Variants in ROBO1 observed in about 807,000 individuals in gnomAD.
ROBO1 encodes the protein roundabout homolog 1.
Under a neutral mutation model 195.9 loss-of-function variants are expected in ROBO1, and 149 were observed. The ratio of observed to expected loss-of-function variants is 0.76; its 90% confidence interval spans 0.67 to 0.87. The LOEUF (loss-of-function observed/expected upper bound fraction) is 0.87. Among genes scored for constraint, ROBO1 ranks in the 40% least tolerant of loss-of-function variants. The probability of loss-of-function intolerance (pLI) is 0.00; values close to 1 mark genes in which losing one functional copy is unlikely to be tolerated. For missense variants in ROBO1, 1,933 were observed against 2,068.3 expected (o/e 0.93, Z 1.27); for synonymous variants, 816 against 733.2 (o/e 1.11, Z -1.82).
At chr3:78,699,395 C>CAAAAAAAAA (rs60574193) in intron 8 of ROBO1, among the ~76,000 whole-genome samples, 394 of 82,112 alleles carry the variant, frequency 4.8e-3, no homozygotes, top group East Asian at 8.4e-3. Flanking sequence ...ACTAAAAATA[C>CAAAAAAAAA]AAAAAAAAAA....
chr3:78,776,741 G>C (rs1394721606), intron 4 of ROBO1, among the ~76,000 whole-genome samples: 1 of 152,180 alleles, frequency 6.6e-6, no homozygotes, highest in African/African-American at 2.4e-5. Context: ...AGACACTATG[G>C]TCAGACTGCC....
chr3:79,232,845 A>G (rs536211610), intron 2 of ROBO1, among the ~76,000 whole-genome samples: 1 of 152,264 alleles, frequency 6.6e-6, no homozygotes. Flanking sequence ...ACTTGAAGGT[A>G]CAATACAGCA....
Position 78,676,338 on chromosome 3 carries a change from C to T in ROBO1, c.1343-6037G>A, listed in dbSNP as rs879808009. ...AAAGCTGGATGGAGAATGACTTTGA[C>T]GAGTTGAGAGAAGAAGGCTTCAGAC... On this transcript the variant is annotated intron_variant, in intron 10 of 30. Transcript: ENST00000464233. Among the ~76,000 whole-genome samples, 112 of 152,044 alleles carry T rather than the reference C, an allele frequency of 7.4e-4. 1 individual carries two copies. Among genetic ancestry groups the T allele is most frequent in the Admixed American group, 2.2e-3 (33 of 15,260 alleles).
chr3:79,242,719 G>GA (rs1304962501), intron 2 of ROBO1, among the ~76,000 whole-genome samples: 4 of 152,062 alleles, frequency 2.6e-5, no homozygotes, highest in Admixed American at 1.3e-4. Context: ...TAGCAGGGGA[G>GA]AAATATTTCC....
chr3:78,975,744 T>C (rs1009144651), intron 3 of ROBO1, among the ~76,000 whole-genome samples: 3 of 152,188 alleles, frequency 2.0e-5, no homozygotes, highest in Non-Finnish European at 2.9e-5. Flanking sequence ...AATATGTGAT[T>C]ACATAAGCAC....
At chr3:78,921,873 G>A (rs1419383145) in intron 4 of ROBO1, among the ~76,000 whole-genome samples, 1 of 150,938 alleles carries the variant, frequency 6.6e-6, no homozygotes, top group Non-Finnish European at 1.5e-5. Flanking sequence ...TGCAACCTCC[G>A]CCTCTCGGGT....
At chr3:79,740,145 T>G (rs553144995) in intron 1 of ROBO1, among the ~76,000 whole-genome samples, 3 of 149,246 alleles carry the variant, frequency 2.0e-5, no homozygotes, top group Non-Finnish European at 4.4e-5. Context: ...CTAAATCCAT[T>G]TAAGGCACTG....
chr3:79,347,405 C>A (rs1313906853), intron 2 of ROBO1, among the ~76,000 whole-genome samples: 1 of 152,134 alleles, frequency 6.6e-6, no homozygotes, highest in Non-Finnish European at 1.5e-5. Context: ...TTTCTGATGA[C>A]AGTCAAGGTC....
At chr3:79,396,493 T>C (rs1336014261) in intron 2 of ROBO1, among the ~76,000 whole-genome samples, 1 of 152,072 alleles carries the variant, frequency 6.6e-6, no homozygotes, top group Non-Finnish European at 1.5e-5. Flanking sequence ...TACCTTCGTC[T>C]CCATTTGTAA....
intron 2 of ROBO1, among the ~76,000 whole-genome samples, chr3:79,217,555 A>G (rs556054372): frequency 3.1e-4 from 47 of 152,038 alleles, no homozygotes; most frequent in African/African-American, 1.1e-3. Flanking sequence ...ATTTTCATCA[A>G]CTTCCTATAG....
chr3:79,569,671 GTGTATATATGTGTGTGTGTA>G (rs1337625560), intron 2 of ROBO1, among the ~76,000 whole-genome samples: 19 of 108,276 alleles, frequency 1.8e-4, no homozygotes, highest in Admixed American at 1.4e-3. Context: ...GTGTGTGTGT[GTGTATATATGTGTGTGTGTA>G]TATATATATG....
At chr3:79,552,554 G>A (rs1408799210) in intron 2 of ROBO1, among the ~76,000 whole-genome samples, 1 of 152,024 alleles carries the variant, frequency 6.6e-6, no homozygotes, top group African/African-American at 2.4e-5. Context: ...TTAATAGATA[G>A]AAAAAATATG....
intron 2 of ROBO1, among the ~76,000 whole-genome samples, chr3:79,335,222 C>T (rs1201259624): frequency 6.6e-6 from 1 of 152,166 alleles, no homozygotes; most frequent in Non-Finnish European, 1.5e-5. Flanking sequence ...ACATATACTA[C>T]ATATATTATT....
At chr3:79,554,409 C>A (rs927780418) in intron 2 of ROBO1, among the ~76,000 whole-genome samples, 8 of 151,956 alleles carry the variant, frequency 5.3e-5, no homozygotes, top group African/African-American at 1.9e-4. Flanking sequence ...AATATTACTA[C>A]CTGTTTGCAA....
intron 2 of ROBO1, among the ~76,000 whole-genome samples, chr3:79,126,238 T>C (rs915924287): frequency 7.2e-5 from 11 of 152,248 alleles, no homozygotes; most frequent in African/African-American, 2.2e-4. Flanking sequence ...TTCCAAAGTA[T>C]TGGATATTTT....
At chr3:78,628,049 G>A (rs1290143338) in intron 25 of ROBO1, among the ~76,000 whole-genome samples, 1 of 151,820 alleles carries the variant, frequency 6.6e-6, no homozygotes, top group Non-Finnish European at 1.5e-5. Flanking sequence ...CACCTCCCAG[G>A]TTCAAGCAAT....
chr3:79,558,441 T>C (rs1342667043), intron 2 of ROBO1, among the ~76,000 whole-genome samples: 2 of 152,344 alleles, frequency 1.3e-5, no homozygotes, highest in Non-Finnish European at 1.5e-5. Flanking sequence ...ATACAAAATA[T>C]GTATGAATCG....
intron 1 of ROBO1, among the ~76,000 whole-genome samples, chr3:79,736,044 TGTAAAAAAAATTAA>T (rs1166633676): frequency 2.0e-5 from 3 of 152,120 alleles, no homozygotes; most frequent in Non-Finnish European, 4.4e-5. Flanking sequence ...ACAGTGCGTG[TGTAAAAAAAATTAA>T]GTAAATGAGG....
At chr3:78,801,462 T>C (rs1234271050) in intron 4 of ROBO1, among the ~76,000 whole-genome samples, 2 of 152,144 alleles carry the variant, frequency 1.3e-5, no homozygotes, top group African/African-American at 4.8e-5. Context: ...CAATATTATC[T>C]TCTCTATTAA....
Sources: allele counts gnomAD v4.1 joint callset (sites outside exome capture counted in the v4.1 genomes callset), GRCh38; gene constraint gnomAD v4.1.1; transcripts MANE v1.5; gene names NCBI Gene and HGNC (gene_info 2026-07-23, HGNC 2026-07-21).